The following ANKRD36 variants were observed in gnomAD, a reference collection of about 807,000 sequenced individuals.
ANKRD36 encodes ankyrin repeat domain-containing protein 36A.
In ANKRD36, 179 loss-of-function variants were observed where a neutral mutation model predicts 278.1. The ratio of observed to expected loss-of-function variants is 0.64; its 90% CI spans 0.57 to 0.73. ANKRD36 has a LOEUF of 0.73. Ranked by LOEUF, ANKRD36 falls within the 30% of genes least tolerant of loss-of-function variation. The pLI, the probability that ANKRD36 is intolerant of heterozygous loss-of-function variation, is 0.00. For synonymous variants in ANKRD36, 320 were observed against 641.1 expected (o/e 0.50, Z 7.57); for missense variants, 1,159 against 1,956.7 (o/e 0.59, Z 7.69).
intron 40 of ANKRD36, among the ~76,000 whole-genome samples, chr2:97,195,167 G>A (rs1377320434): frequency 6.6e-6 from 1 of 151,978 alleles, no homozygotes; most frequent in Non-Finnish European, 1.5e-5. Flanking sequence ...AGACATAAGG[G>A]GCTCTGGGGC....
intron 22 of ANKRD36, among the ~76,000 whole-genome samples, chr2:97,169,636 C>T (rs530784821): frequency 2.1e-4 from 32 of 151,914 alleles, no homozygotes; most frequent in South Asian, 8.3e-4. Context: ...TCCTATACAC[C>T]GATAAAAGAC....
chr2:97,205,953 A>T lies in ANKRD36; in HGVS notation c.3075A>T (p.Lys1025Asn). The change falls in exon 51 of 76, where the codon AAA becomes AAT. Residue 1025 changes from lysine to asparagine, a missense_variant. By Grantham distance (94) the Lys-to-Asn change is moderately conservative. Coordinates refer to ENST00000420699, the MANE Select transcript of ANKRD36 (RefSeq NM_001354587.1). ...TTTGCTTTTCAGTGTCTTCTCAGAA[A>T]CCACCAACCTTGAAGGTAATGAAAC... is the stretch of plus-strand genomic sequence containing the variant. ...GEKTRTVSSQ[K>N]PPTLKATSDE... 6.4e-7 allele frequency: 1 copy of T among 1,556,380 alleles called. No homozygotes were observed. Among genetic ancestry groups the T allele is most frequent in the South Asian group, 1.2e-5 (1 of 85,628 alleles).
intron 68 of ANKRD36, among the ~76,000 whole-genome samples, chr2:97,240,985 T>G (rs867633101): frequency 0.01 from 220 of 21,586 alleles, no homozygotes; most frequent in African/African-American, 0.07. Flanking sequence ...TAACTATGTT[T>G]TTTTTTTTTT....
chr2:97,180,863 T>A (rs1260677768), intron 24 of ANKRD36, among the ~76,000 whole-genome samples: 3 of 151,692 alleles, frequency 2.0e-5, no homozygotes, highest in Admixed American at 6.6e-5. Flanking sequence ...CTTATTAATA[T>A]CTAATGCTTG....
intron 66 of ANKRD36, among the ~76,000 whole-genome samples, chr2:97,222,381 T>G (rs1161014104): frequency 1.3e-5 from 2 of 152,092 alleles, no homozygotes; most frequent in Non-Finnish European, 2.9e-5. Flanking sequence ...TAGCTGTATT[T>G]TTAATTTTTT....
chr2:97,189,631 G>A lies in ANKRD36; in HGVS notation c.2245+341G>A, dbSNP rs1213651659. Among the ~76,000 whole-genome samples the A allele has an allele frequency of 8.0e-5, 7 of 87,252 alleles. 1 individual carries two copies. The highest frequency in any genetic ancestry group is 1.8e-4 in the African/African-American group (7 of 37,878). 57.2% of individuals were successfully genotyped at this position (87,252 alleles called of 152,430 possible). ...AAGGGTGGAAGAAGAAAGAGAGGAA[G>A]TATAGATTCTACAGACGTCACATAG... is the stretch of plus-strand genomic sequence containing the variant. On this transcript the variant is annotated intron_variant, in intron 34 of 75. Coordinates refer to ENST00000420699, the MANE Select transcript of ANKRD36 (RefSeq NM_001354587.1).
chr2:97,234,916 A>G (rs1360981483), intron 68 of ANKRD36, among the ~76,000 whole-genome samples: 4 of 133,260 alleles, frequency 3.0e-5, no homozygotes, highest in Admixed American at 7.7e-5. Flanking sequence ...TTTGGATACT[A>G]TTACTTTTAG....
intron 11 of ANKRD36, 96 bp downstream of exon 11, chr2:97,146,612 A>G (rs2044334074): frequency 7.1e-6 from 8 of 1,132,022 alleles, no homozygotes; most frequent in Non-Finnish European, 8.3e-6. Context: ...TGTGCTAGAC[A>G]CCATATTACA....
At chr2:97,229,557 A>G (rs2071170784) in intron 67 of ANKRD36, among the ~76,000 whole-genome samples, 1 of 152,094 alleles carries the variant, frequency 6.6e-6, no homozygotes, top group Non-Finnish European at 1.5e-5. Context: ...GGTTTCCTGA[A>G]TACAGCACAC....
chr2:97,124,989 G>A (rs1054015366), intron 5 of ANKRD36, among the ~76,000 whole-genome samples: 6 of 151,826 alleles, frequency 4.0e-5, no homozygotes, highest in African/African-American at 1.4e-4. Flanking sequence ...ACCTTGAGCT[G>A]TGTACTGGGG....
At chr2:97,211,989 A>G (rs2064785249) in intron 58 of ANKRD36, among the ~76,000 whole-genome samples, 1 of 151,892 alleles carries the variant, frequency 6.6e-6, no homozygotes, top group Non-Finnish European at 1.5e-5. Flanking sequence ...AATTCAACAC[A>G]TAACAGGCTC....
intron 20 of ANKRD36, among the ~76,000 whole-genome samples, chr2:97,165,355 C>T (rs1369418598): frequency 3.9e-5 from 6 of 152,068 alleles, no homozygotes; most frequent in Non-Finnish European, 7.4e-5. Context: ...TTTATGACTG[C>T]ACCACAATTA....
chr2:97,144,193 A>G (rs1373855092), intron 8 of ANKRD36, among the ~76,000 whole-genome samples: 1 of 152,094 alleles, frequency 6.6e-6, no homozygotes, highest in Non-Finnish European at 1.5e-5. Flanking sequence ...TCCCAAGTGT[A>G]TGAGTCACTG....
At chr2:97,191,462 T>A (rs2058497138) in intron 36 of ANKRD36, among the ~76,000 whole-genome samples, 1 of 151,614 alleles carries the variant, frequency 6.6e-6, no homozygotes, top group Non-Finnish European at 1.5e-5. Flanking sequence ...TAATTTTGCT[T>A]TAACTCTACA....
At chr2:97,203,007 A>C (rs2061822336) in intron 48 of ANKRD36, among the ~76,000 whole-genome samples, 1 of 151,796 alleles carries the variant, frequency 6.6e-6, no homozygotes, top group Admixed American at 6.6e-5. Flanking sequence ...AGAAGGAAGC[A>C]ATCCTAGAAC....
At chr2:97,230,343 A>G (rs1318380741) in intron 67 of ANKRD36, among the ~76,000 whole-genome samples, 2 of 151,914 alleles carry the variant, frequency 1.3e-5, no homozygotes, top group Non-Finnish European at 2.9e-5. Context: ...GTTTCTTTTC[A>G]TTCTTTTTTC....
At chr2:97,139,580 G>T (rs919803060) in intron 6 of ANKRD36, among the ~76,000 whole-genome samples, 1 of 152,002 alleles carries the variant, frequency 6.6e-6, no homozygotes, top group East Asian at 1.9e-4. Flanking sequence ...TCTTCGTGTT[G>T]ATACCATATG....
intron 10 of ANKRD36, among the ~76,000 whole-genome samples, chr2:97,145,679 T>C (rs1167626614): frequency 6.6e-6 from 1 of 152,106 alleles, no homozygotes; most frequent in African/African-American, 2.4e-5. Context: ...TGTAAGTATA[T>C]CAAATTTGAT....
chr2:97,116,921 A>C (rs983204332), intron 1 of ANKRD36, among the ~76,000 whole-genome samples: 7 of 152,066 alleles, frequency 4.6e-5, no homozygotes, highest in Non-Finnish European at 8.8e-5. Context: ...ATTATGTAGC[A>C]GACAGATTCC....
Sources: allele counts gnomAD v4.1 joint callset (sites outside exome capture counted in the v4.1 genomes callset), GRCh38; gene constraint gnomAD v4.1.1; transcripts MANE v1.5; gene names NCBI Gene and HGNC (gene_info 2026-07-23, HGNC 2026-07-21).